ATP2A1: variants seen among roughly 807,000 people sequenced by gnomAD.
ATP2A1 encodes ATPase sarcoplasmic/endoplasmic reticulum Ca2+ transporting 1, also known as sarcoplasmic/endoplasmic reticulum calcium ATPase 1.
ATP2A1 carries 83 observed loss-of-function variants against 109.5 expected under a neutral mutation model. That is an observed-to-expected ratio of 0.76 (90% CI 0.63 to 0.91). The LOEUF is 0.91. Ranked by LOEUF, ATP2A1 falls within the 40% of genes least tolerant of loss-of-function variation. The pLI is 0.00. For missense variants in ATP2A1, 1,101 were observed against 1,341.0 expected, an observed-to-expected ratio of 0.82 and a Z score of 2.80; for synonymous variants, 505 against 537.6, an observed-to-expected ratio of 0.94 and a Z score of 0.84.
At chr16:28,893,627 G>A (rs1963835819) in intron 9 of ATP2A1, among the ~76,000 whole-genome samples, 2 of 150,486 alleles carry the variant, frequency 1.3e-5, no homozygotes, top group African/African-American at 4.9e-5. Context: ...AGCACAGCCT[G>A]CGGTCACTCG....
Position 28,894,956 on chromosome 16 carries a change from G to T in ATP2A1, c.1419+3G>T. 6.2e-7 allele frequency: 1 copy of T among 1,610,576 alleles called. No individual in the cohort carries two copies. On this transcript the variant is annotated splice_donor_region_variant and intron_variant, in intron 12 of 22. Coordinates refer to ENST00000395503, the MANE Select transcript of ATP2A1 (RefSeq NM_004320.6). The stretch of plus-strand genomic sequence containing the variant: ...AGAGAGCCAACGCCTGCAACTCGGT[G>T]AGCCTGCGGAGCCCCTGCCACAGGG...
Position 28,902,397 on chromosome 16 carries a change from G to T in ATP2A1, c.2524+11G>T. 6.2e-7 allele frequency: 1 copy of T among 1,613,566 alleles called. No individual in the cohort carries two copies. Among genetic ancestry groups the T allele is most frequent in the Non-Finnish European group, 8.5e-7 (1 of 1,179,722 alleles). On this transcript the variant is annotated intron_variant, in intron 17 of 22. Transcript: ENST00000395503. This position sits in a 1 kb window ranked among gnomAD's most constrained non-coding sequence, Gnocchi z 4.8. ...ACATGGCAATCGGGGGTGAGCTGGAGGGGTTCCTCGATCCTCCCCACCCCT... is the reference window on the plus strand; with the variant it reads ...ACATGGCAATCGGGGGTGAGCTGGATGGGTTCCTCGATCCTCCCCACCCCT...
At chr16:28,891,531 G>A (rs1164447584) in intron 9 of ATP2A1, among the ~76,000 whole-genome samples, 8 of 142,182 alleles carry the variant, frequency 5.6e-5, no homozygotes, top group Non-Finnish European at 1.0e-4. Context: ...AGGCAGAGGC[G>A]GTGAGCTGAG....
intron 6 of ATP2A1, among the ~76,000 whole-genome samples, 193 bp from the exon 7 acceptor site, chr16:28,886,992 CAAAA>C (rs559496019): frequency 1.7e-4 from 13 of 74,354 alleles, no homozygotes; most frequent in South Asian, 1.5e-3. Context: ...AACTCTGTCT[CAAAA>C]AAAAAAAAAA....
At chr16:28,900,478 C>A in intron 14 of ATP2A1, 103 bp from the exon 15 acceptor site, 1 of 938,790 alleles carries the variant, frequency 1.1e-6, no homozygotes, top group Non-Finnish European at 1.5e-6. Context: ...CCCCTCCCCA[C>A]CACTTCCTGA....
Position 28,904,429 on chromosome 16 carries a change from G to T in ATP2A1, c.*287G>T. ...GGGACAAGGCGACCGACTGCGCTGAGCTGCTTATTTATTGAAAATAAACGA... is the reference window on the plus strand; with the variant it reads ...GGGACAAGGCGACCGACTGCGCTGATCTGCTTATTTATTGAAAATAAACGA... On this transcript the variant is annotated 3_prime_UTR_variant, in exon 23 of 23. Transcript: ENST00000395503. The T allele has an allele frequency of 6.5e-7, 1 of 1,532,146 alleles. No individual in the cohort carries two copies. The allele number at this position is 1,532,146 out of a possible 1,614,324, so 94.9% of individuals were successfully genotyped here. A position where few individuals can be genotyped will look rare whatever the true frequency, so the allele number is the denominator to read the frequency against.
chr16:28,901,891 C>T lies in ATP2A1; in HGVS notation c.2129C>T (p.Ala710Val). The T allele has an allele frequency of 6.2e-7, 1 of 1,614,150 alleles. No homozygotes were observed. The highest frequency in any genetic ancestry group is 8.5e-7 in the Non-Finnish European group (1 of 1,179,994). ...GGTGATGGCGTCAATGACGCCCCTGCCCTGAAGAAGGCTGAGATTGGCATT... is the reference window on the plus strand; with the variant it reads ...GGTGATGGCGTCAATGACGCCCCTGTCCTGAAGAAGGCTGAGATTGGCATT... ...MTGDGVNDAP[A>V]LKKAEIGIAM... The change falls in exon 16 of 23, where the codon GCC becomes GTC. Residue 710 changes from alanine (A) to valine (V), a missense_variant. Ala to Val is a moderately conservative substitution (Grantham distance 64). Coordinates refer to ENST00000395503, the MANE Select transcript of ATP2A1 (RefSeq NM_004320.6).
At chr16:28,890,292 C>CAAAAAAAAAAAAAAAAAAAAAAAA (rs767608802) in intron 9 of ATP2A1, among the ~76,000 whole-genome samples, 1 of 74,388 alleles carries the variant, frequency 1.3e-5, no homozygotes, top group Non-Finnish European at 2.8e-5. Context: ...CCGTCTCTAC[C>CAAAAAAAAAAAAAAAAAAAAAAAA]AAAAAAAAAA....
chr16:28,881,077 C>A (rs1016865317), intron 4 of ATP2A1, 58 bp downstream of exon 4: 38 of 1,518,678 alleles, frequency 2.5e-5, no homozygotes, highest in Non-Finnish European at 3.2e-5. Context: ...GAGGCCAACC[C>A]TCCCTCCAGT....
rs371499620 is a variant in ATP2A1, at chr16:28,894,157, G to A, written c.1098G>A (p.Met366Ile). ...GTGCCTGCCCTTCTCCCCTGCAGAT[G>A]TTTATCATTGACAAGGTGGATGGGG... ...LTTNQMSVCK[M>I]FIIDKVDGDI... The change falls in exon 10 of 23, where the codon ATG (methionine) becomes ATA (isoleucine). Residue 366 changes from methionine to isoleucine, a missense_variant and splice_region_variant. Met to Ile is a conservative substitution (Grantham distance 10). Transcript: ENST00000395503. 21 of 1,613,752 alleles carry A rather than the reference G, an allele frequency of 1.3e-5. No individual in the cohort carries two copies. The highest frequency in any genetic ancestry group is 2.2e-5 in the East Asian group (1 of 44,892).
At chr16:28,897,451 G>A (rs1234546509) in intron 12 of ATP2A1, among the ~76,000 whole-genome samples, 2 of 152,260 alleles carry the variant, frequency 1.3e-5, no homozygotes, top group South Asian at 2.1e-4. Flanking sequence ...CTATGATCAC[G>A]TCATTGTACT....
At position 28,882,495 on chromosome 16, in the gene ATP2A1, G is replaced by A. The variant is rs767247603; in HGVS notation, c.369G>A (p.Glu123=). The A allele has an allele frequency of 1.7e-5, 27 of 1,614,110 alleles. No homozygotes were observed. Among genetic ancestry groups the A allele is most frequent in the Middle Eastern group, 1.6e-4 (1 of 6,084 alleles). Residue 123 remains glutamate, a synonymous_variant, in exon 5 of 23, where the codon GAG becomes GAA. Transcript: ENST00000395503. ...CCATCGAGGCCCTGAAGGAGTATGA[G>A]CCAGAGATGGGGAAGGTCTACCGGG... ...ENAIEALKEY[E]PEMGKVYRAD... is the part of the protein sequence containing the mutation.
At chr16:28,884,706 G>A (rs1239036120) in intron 6 of ATP2A1, 51 bp downstream of exon 6, 3 of 1,521,336 alleles carry the variant, frequency 2.0e-6, no homozygotes, top group African/African-American at 2.7e-5. Flanking sequence ...TGGGGAGGAA[G>A]AGGCAACAAG....
chr16:28,887,221 C>A lies in ATP2A1; in HGVS notation c.577C>A (p.Pro193Thr). ...ESVSVIKHTEPVPDPRAVNQD... is the reference protein window; with the variant it reads ...ESVSVIKHTETVPDPRAVNQD... ...TGTATCTGTCATCAAACACACGGAG[C>A]CCGTTCCTGACCCCCGAGCTGTCAA... The change falls in exon 7 of 23, where the codon CCC becomes ACC. Residue 193 changes from proline to threonine, a missense_variant. By Grantham distance (38) the Pro-to-Thr change is conservative. Transcript: ENST00000395503. 6.2e-7 allele frequency: 1 copy of A among 1,613,794 alleles called. No individual in the cohort carries two copies. Among genetic ancestry groups the A allele is most frequent in the Non-Finnish European group, 8.5e-7 (1 of 1,179,974 alleles).
At chr16:28,896,383 T>C (rs1274599483) in intron 12 of ATP2A1, among the ~76,000 whole-genome samples, 1 of 147,920 alleles carries the variant, frequency 6.8e-6, no homozygotes, top group Non-Finnish European at 1.5e-5. Context: ...CAAGCCACAA[T>C]GCCCAGCTAA....
In ATP2A1 at chr16:28,904,231, C is replaced by A. The variant is rs201185506; in HGVS notation, c.*89C>A. On this transcript the variant is annotated 3_prime_UTR_variant, in exon 23 of 23. Coordinates refer to ENST00000395503, the MANE Select transcript of ATP2A1 (RefSeq NM_004320.6). Reference sequence around the variant, plus strand: ...GCATCCTTTTGCTCTGTCCTCCCCACCCCGATAGTGACACATCTTCAGGCA... The same window carrying A: ...GCATCCTTTTGCTCTGTCCTCCCCAACCCGATAGTGACACATCTTCAGGCA... 5 of 1,613,738 alleles carry A rather than the reference C, an allele frequency of 3.1e-6. No homozygotes were observed. In the East Asian group the frequency reaches 8.9e-5, roughly 29 times the overall value.
chr16:28,884,392 G>A (rs571619349), intron 5 of ATP2A1, among the ~76,000 whole-genome samples, 183 bp from the exon 6 acceptor site: 1 of 152,296 alleles, frequency 6.6e-6, no homozygotes, highest in African/African-American at 2.4e-5. Flanking sequence ...GAAGGGATGG[G>A]TGTCACGATG....
chr16:28,891,667 G>A (rs938216519), intron 9 of ATP2A1, among the ~76,000 whole-genome samples: 5 of 151,290 alleles, frequency 3.3e-5, no homozygotes, highest in African/African-American at 4.9e-5. Context: ...CAAGGCGGAC[G>A]GATTACCTGA....
rs200614162 is a variant in ATP2A1, at chr16:28,887,377, T to C, written c.631-48T>C. 1.1e-5 allele frequency: 17 copies of C among 1,610,584 alleles called. No homozygotes were observed. The African/African-American group carries it at 1.2e-4, about 11-fold the overall frequency. On this transcript the variant is annotated intron_variant, in intron 7 of 22. Transcript: ENST00000395503. ...AGAGATGGCGTGGGGAGATGCGGCATGAGGGTCACCTCTTGCCTGATTCCC... is the reference window on the plus strand; with the variant it reads ...AGAGATGGCGTGGGGAGATGCGGCACGAGGGTCACCTCTTGCCTGATTCCC...
Sources: allele counts gnomAD v4.1 joint callset (sites outside exome capture counted in the v4.1 genomes callset), GRCh38; gene constraint gnomAD v4.1.1; non-coding constraint Gnocchi (gnomAD v3.1); transcripts MANE v1.5; gene names NCBI Gene and HGNC (gene_info 2026-07-23, HGNC 2026-07-21).